Variants in RHBG observed in about 807,000 individuals in gnomAD.
The protein encoded by RHBG is ammonium transporter Rh type B.
Under a neutral mutation model 40.1 loss-of-function variants are expected in RHBG, and 39 were observed. The ratio of observed to expected loss-of-function variants is 0.97; its 90% CI spans 0.75 to 1.27. RHBG has a LOEUF of 1.27. Ranked by LOEUF, RHBG falls within the 50% of genes most tolerant of loss-of-function variation. The pLI, the probability that RHBG is intolerant of heterozygous loss-of-function variation, is 0.00. For missense variants in RHBG, 549 were observed against 588.1 expected (o/e 0.93, Z 0.69); for synonymous variants, 237 against 252.5 (o/e 0.94, Z 0.58).
At chr1:156,375,706 TC>T (rs1461208105) in intron 1 of RHBG, among the ~76,000 whole-genome samples, 1 of 150,506 alleles carries the variant, frequency 6.6e-6, no homozygotes, top group African/African-American at 2.4e-5. Context: ...CTCATCAGAT[TC>T]CACAAAATAA....
chr1:156,382,032 G>A, intron 6 of RHBG, 36 bp from the exon 7 acceptor site: 1 of 1,610,326 alleles, frequency 6.2e-7, no homozygotes, highest in Non-Finnish European at 8.5e-7. Context: ...GGTGGGGAGT[G>A]GGCACAGGAG....
chr1:156,373,808 A>G (rs1012732682), intron 1 of RHBG, among the ~76,000 whole-genome samples: 1 of 152,200 alleles, frequency 6.6e-6, no homozygotes, highest in East Asian at 1.9e-4. Context: ...AAGAATAGAC[A>G]TGGATTCTCT....
chr1:156,384,608 A>G lies in RHBG; in HGVS notation c.1308+8A>G. The G allele has an allele frequency of 6.4e-7, 1 of 1,567,468 alleles. No individual in the cohort carries two copies. ...GACCAAGTTCACTGGCAGGTGAGAC[A>G]TTGCTGGGCTCTCACACCCTCTGAG... is the stretch of plus-strand genomic sequence containing the variant. On this transcript the variant is annotated splice_region_variant and intron_variant, in intron 9 of 9. Coordinates refer to ENST00000537040, the MANE Select transcript of RHBG (RefSeq NM_020407.5).
At position 156,381,503 on chromosome 1, in the gene RHBG, G is replaced by A. The variant is rs576981306; in HGVS notation, c.830G>A (p.Arg277Lys). 69 of 1,609,768 alleles carry A rather than the reference G, an allele frequency of 4.3e-5. No homozygotes were observed. In the Admixed American group the frequency reaches 9.5e-4, roughly 22 times the overall value. Residue 277 changes from arginine (R) to lysine (K), a missense_variant, in exon 5 of 10, where the codon AGG (arginine) becomes AAG (lysine). Arg to Lys is a conservative substitution (Grantham distance 26). This residue lies in a region of RHBG where 399 missense variants were observed against 417.0 expected (regional missense o/e 0.96). Coordinates refer to ENST00000537040, the MANE Select transcript of RHBG (RefSeq NM_020407.5). ...TCAGCCCTTGTAGGGGAAGATGGGAGGCTTGACATGGTATGGGGAAGAGGA... is the reference window on the plus strand; with the variant it reads ...TCAGCCCTTGTAGGGGAAGATGGGAAGCTTGACATGGTATGGGGAAGAGGA... ...ALSALVGEDG[R>K]LDMVHIQNAA...
intron 1 of RHBG, chr1:156,374,669 C>A (rs900964687): frequency 2.5e-6 from 1 of 399,688 alleles, no homozygotes; most frequent in Non-Finnish European, 4.9e-6. Flanking sequence ...TCACCACAAC[C>A]TCTGCCTCCC....
chr1:156,376,867 G>T (rs1667239636), intron 1 of RHBG, among the ~76,000 whole-genome samples: 1 of 152,156 alleles, frequency 6.6e-6, no homozygotes, highest in South Asian at 2.1e-4. Flanking sequence ...AAAGGAAGAG[G>T]TATAGTCTCT....
At chr1:156,376,616 G>A (rs6687642) in intron 1 of RHBG, among the ~76,000 whole-genome samples, 12,126 of 152,056 alleles carry the variant, frequency 0.08, 604 homozygotes, top group African/African-American at 0.12. Context: ...CACCCGCCTT[G>A]GCCTCCCAAA....
At chr1:156,379,112 A>T (rs896573639) in intron 4 of RHBG, among the ~76,000 whole-genome samples, 2 of 151,220 alleles carry the variant, frequency 1.3e-5, no homozygotes, top group Non-Finnish European at 2.9e-5. Context: ...CTCCTGCCTC[A>T]TCCTCCCGAG....
At position 156,377,195 on chromosome 1, in the gene RHBG, C is replaced by A; in HGVS notation, c.188-106C>A. 1 of 1,285,054 alleles carries A rather than the reference C, an allele frequency of 7.8e-7. No homozygotes were observed. Among genetic ancestry groups the A allele is most frequent in the Non-Finnish European group, 1.1e-6 (1 of 909,752 alleles). 79.6% of individuals were successfully genotyped at this position (1,285,054 alleles called of 1,614,324 possible). A position where few individuals can be genotyped will look rare whatever the true frequency, so the allele number is the denominator to read the frequency against. On this transcript the variant is annotated intron_variant, in intron 1 of 9. Transcript: ENST00000537040. The surrounding 1 kb of genome is among the most constrained non-coding windows in gnomAD (Gnocchi z 4.6). ...GGAGTTTTATAGGCTCGGCTCAAGGCAGCCCTGGCTGGTGAGAGCCAGGGG... is the reference window on the plus strand; with the variant it reads ...GGAGTTTTATAGGCTCGGCTCAAGGAAGCCCTGGCTGGTGAGAGCCAGGGG...
rs1219969912 is a variant in RHBG at position 156,384,865 on chromosome 1, AG to A, written c.*22del. ...GCCTAACCCACTGCCAGCCCCTGAG[AG>A]GACACGCTCCTTTTCGAAGATGCTG... On this transcript the variant is annotated 3_prime_UTR_variant, in exon 10 of 10. Coordinates refer to ENST00000537040, the MANE Select transcript of RHBG (RefSeq NM_020407.5). 6 of 1,516,420 alleles carry A rather than the reference AG, an allele frequency of 4.0e-6. No homozygotes were observed. The African/African-American group carries it at 5.5e-5, about 14-fold the overall frequency. 93.9% of individuals were successfully genotyped at this position (1,516,420 alleles called of 1,614,324 possible).
chr1:156,377,519 G>A lies in RHBG; in HGVS notation c.374+32G>A, dbSNP rs545650102. On this transcript the variant is annotated intron_variant, in intron 2 of 9. Coordinates refer to ENST00000537040, the MANE Select transcript of RHBG (RefSeq NM_020407.5). The surrounding 1 kb of genome is among the most constrained non-coding windows in gnomAD (Gnocchi z 4.6). ...AGCCGCCACCCACCCAGCTCCCCAA[G>A]GTTCACTCGGGAGGCCCCTGCCCAT... The A allele has an allele frequency of 3.8e-6, 6 of 1,587,998 alleles. No homozygotes were observed. The Admixed American group carries it at 5.1e-5, about 13-fold the overall frequency.
chr1:156,377,888 C>A lies in RHBG; in HGVS notation c.375-102C>A. On this transcript the variant is annotated intron_variant, in intron 2 of 9. Coordinates refer to ENST00000537040, the MANE Select transcript of RHBG (RefSeq NM_020407.5). This position sits in a 1 kb window ranked among gnomAD's most constrained non-coding sequence, Gnocchi z 4.6. ...TCTTCTCTCCAGAACTCCAACCCCA[C>A]CCCACCCACCACATCATGCTGTCCT... is the stretch of plus-strand genomic sequence containing the variant. 9.6e-6 allele frequency: 11 copies of A among 1,144,120 alleles called. No individual in the cohort carries two copies. The highest frequency in any genetic ancestry group is 1.5e-5 in the African/African-American group (1 of 64,576). 70.9% of individuals were successfully genotyped at this position (1,144,120 alleles called of 1,614,324 possible).
In RHBG at chr1:156,382,188, G is replaced by C; in HGVS notation, c.1099G>C (p.Ala367Pro). Residue 367 changes from alanine (A) to proline (P), a missense_variant, in exon 7 of 10, where the codon GCT becomes CCT. By Grantham distance (27) the Ala-to-Pro change is conservative. This residue lies in a region of RHBG where 399 missense variants were observed against 417.0 expected (regional missense o/e 0.96). Coordinates refer to ENST00000537040, the MANE Select transcript of RHBG (RefSeq NM_020407.5). Reference sequence around the variant, plus strand: ...TGTGGCTGGACTTGCCACCCATGAAGCTTACGGAGATGGGTGAGTTTCCTC... The same window carrying C: ...TGTGGCTGGACTTGCCACCCATGAACCTTACGGAGATGGGTGAGTTTCCTC... ...VLVAGLATHE[A>P]YGDGLESVFP... The C allele has an allele frequency of 6.2e-7, 1 of 1,614,128 alleles. No individual in the cohort carries two copies. Among genetic ancestry groups the C allele is most frequent in the Non-Finnish European group, 8.5e-7 (1 of 1,180,032 alleles).
Position 156,377,590 on chromosome 1 carries a change from C to A in RHBG, c.374+103C>A. ...TCCTTCAAGTCTGCTTCCTGACTCACGATTCTGGGCGTCACTTGGTTTCTC... is the reference window on the plus strand; with the variant it reads ...TCCTTCAAGTCTGCTTCCTGACTCAAGATTCTGGGCGTCACTTGGTTTCTC... On this transcript the variant is annotated intron_variant, in intron 2 of 9. Transcript: ENST00000537040. The surrounding 1 kb of genome is among the most constrained non-coding windows in gnomAD (Gnocchi z 4.6). The A allele has an allele frequency of 2.5e-6, 3 of 1,221,810 alleles. No homozygotes were observed. The highest frequency in any genetic ancestry group is 3.4e-6 in the Non-Finnish European group (3 of 885,682). The allele number at this position is 1,221,810 out of a possible 1,614,324, so 75.7% of individuals were successfully genotyped here.
rs756230851 is a variant in RHBG at position 156,382,156 on chromosome 1, G to A, written c.1067G>A (p.Gly356Glu). Residue 356 changes from glycine (G) to glutamate (E), a missense_variant, in exon 7 of 10, where the codon GGG (glycine) becomes GAG (glutamate). Around this residue, in one of 3 missense-constraint regions of RHBG, gnomAD observed 399 missense variants for 417.0 expected, o/e 0.96. Coordinates refer to ENST00000537040, the MANE Select transcript of RHBG (RefSeq NM_020407.5). The stretch of plus-strand genomic sequence containing the variant: ...CCGGGGGTCCTGGGGGCCCTCCTGG[G>A]GGTCCTTGTGGCTGGACTTGCCACC... ...GMPGVLGALL[G>E]VLVAGLATHE... The A allele has an allele frequency of 6.2e-7, 1 of 1,614,094 alleles. No homozygotes were observed. The highest frequency in any genetic ancestry group is 8.5e-7 in the Non-Finnish European group (1 of 1,180,012).
rs779153222 is a variant in RHBG, at chr1:156,369,409, G to A, written c.160G>A (p.Asp54Asn). 8 of 1,613,534 alleles carry A rather than the reference G, an allele frequency of 5.0e-6. No individual in the cohort carries two copies. The highest frequency in any genetic ancestry group is 2.2e-5 in the South Asian group (2 of 91,012). Residue 54 changes from aspartate to asparagine, a missense_variant, in exon 1 of 10, where the codon GAC becomes AAC. Asp to Asn is a conservative substitution (Grantham distance 23). This residue lies in a region of RHBG where 99 missense variants were observed against 85.2 expected (regional missense o/e 1.16). Coordinates refer to ENST00000537040, the MANE Select transcript of RHBG (RefSeq NM_020407.5). Reference protein sequence around the residue: ...LWHRSNHSNADNEFYFRYPSF... With the variant: ...LWHRSNHSNANNEFYFRYPSF... Reference sequence around the variant, plus strand: ...GCACCGGAGCAACCACAGTAACGCGGACAATGAATTTTACTTTCGCTACCC... The same window carrying A: ...GCACCGGAGCAACCACAGTAACGCGAACAATGAATTTTACTTTCGCTACCC...
intron 1 of RHBG, among the ~76,000 whole-genome samples, chr1:156,375,077 C>T (rs1667094829): frequency 7.1e-6 from 1 of 140,810 alleles, no homozygotes; most frequent in South Asian, 2.3e-4. Context: ...CCTCTAATTT[C>T]TTTTTTTTTT....
Position 156,369,423 on chromosome 1 carries a change from C to G in RHBG, c.174C>G (p.Tyr58Ter), listed in dbSNP as rs1298817576. The G allele has an allele frequency of 2.5e-6, 4 of 1,612,454 alleles. No individual in the cohort carries two copies. The highest frequency in any genetic ancestry group is 2.5e-6 in the Non-Finnish European group (3 of 1,179,218). Residue 58 changes from tyrosine to a stop codon, truncating the protein, a stop_gained, in exon 1 of 10, where the codon TAC becomes TAG. Transcript: ENST00000537040. LOFTEE classifies it high-confidence loss of function. ...SNHSNADNEFYFRYPSFQDVH... is the reference protein window; with the variant it reads ...SNHSNADNEF ...ACAGTAACGCGGACAATGAATTTTA[C>G]TTTCGCTACCCAAGTGAGTGCGGGG... is the stretch of plus-strand genomic sequence containing the variant.
At chr1:156,384,712 C>T in intron 9 of RHBG, 65 bp from the exon 10 acceptor site, 1 of 1,577,298 alleles carries the variant, frequency 6.3e-7, no homozygotes, top group Non-Finnish European at 8.7e-7. Context: ...TGGGGTACAC[C>T]CCTGAACTGT....
Sources: gnomAD v4.1 joint callset for allele counts (sites outside exome capture counted in the v4.1 genomes callset) on GRCh38, gnomAD v4.1.1 for gene constraint, gnomAD v4.1.1 regional missense constraint, Gnocchi (gnomAD v3.1) non-coding constraint, MANE v1.5 for transcripts, NCBI Gene and HGNC (gene_info 2026-07-23, HGNC 2026-07-21) for gene names.